RTN4: variants seen among roughly 807,000 people sequenced by gnomAD.
The protein encoded by RTN4 is reticulon 4, also known as reticulon-4.
Under a neutral mutation model 90.4 loss-of-function variants are expected in RTN4, and 32 were observed. The observed-to-expected ratio is 0.35, with a 90% CI of 0.27 to 0.48. The LOEUF (loss-of-function observed/expected upper bound fraction) is 0.48, where lower values mean the gene tolerates loss of function less well. Ranked by LOEUF, RTN4 falls within the 20% of genes least tolerant of loss-of-function variation. The pLI is 0.99. For synonymous variants in RTN4, 629 were observed against 552.5 expected, an observed-to-expected ratio of 1.14 and a Z score of -1.94; for missense variants, 1,706 against 1,430.2, an observed-to-expected ratio of 1.19 and a Z score of -3.11.
chr2:54,977,927 G>C (rs1677775389), intron 5 of RTN4, among the ~76,000 whole-genome samples: 1 of 152,078 alleles, frequency 6.6e-6, no homozygotes, highest in South Asian at 2.1e-4. Flanking sequence ...CTTGGACCAG[G>C]CACACGGATA....
chr2:55,007,415 T>C (rs1452670778), intron 3 of RTN4, among the ~76,000 whole-genome samples: 1 of 152,122 alleles, frequency 6.6e-6, no homozygotes, highest in Non-Finnish European at 1.5e-5. Context: ...AAATCCTTTT[T>C]ATTTCTTTTA....
At chr2:55,131,989 G>C in the RTN4 span, among the ~76,000 whole-genome samples, 1 of 152,200 alleles carries the variant, frequency 6.6e-6, no homozygotes, top group African/African-American at 2.4e-5. Context: ...GGTATACCAT[G>C]TTTTATCAGA....
chr2:55,021,551 G>A (rs1276948508), intron 3 of RTN4, among the ~76,000 whole-genome samples: 1 of 149,660 alleles, frequency 6.7e-6, no homozygotes, highest in East Asian at 2.0e-4. Context: ...TCGAACTCCT[G>A]GGCTCAAGCT....
At chr2:54,984,679 T>A (rs1052419228) in intron 4 of RTN4, among the ~76,000 whole-genome samples, 1 of 152,232 alleles carries the variant, frequency 6.6e-6, no homozygotes, top group Non-Finnish European at 1.5e-5. Context: ...TAACCACAGG[T>A]ATTAGATACA....
chr2:55,074,094 T>C (rs111663684), intron 2 of RTN4, among the ~76,000 whole-genome samples: 8,211 of 152,306 alleles, frequency 0.054, 693 homozygotes, highest in African/African-American at 0.18. Context: ...TCAGGTGTTC[T>C]GTCTCAGACA....
At position 55,050,151 on chromosome 2, in the gene RTN4, C is replaced by T. The variant is rs1668023044; in HGVS notation, c.150G>A (p.Glu50=). The change falls in exon 1 of 9, where the codon GAG becomes GAA. Residue 50 remains glutamate, a synonymous_variant. Coordinates refer to ENST00000337526, the MANE Select transcript of RTN4 (RefSeq NM_020532.5). This position sits in a 1 kb window ranked among gnomAD's most constrained non-coding sequence, Gnocchi z 4.6. ...EEEEDEDEDL[E]ELEVLERKPA... ...GCTTCCTCTCCAGCACCTCCAGCTC[C>T]TCCAGGTCTTCGTCCTCGTCCTCCT... 1 of 1,559,938 alleles carries T rather than the reference C, an allele frequency of 6.4e-7. No individual in the cohort carries two copies. The highest frequency in any genetic ancestry group is 8.6e-7 in the Non-Finnish European group (1 of 1,160,860).
intron 1 of RTN4, among the ~76,000 whole-genome samples, chr2:55,036,166 T>C (rs188650441): frequency 3.8e-4 from 58 of 152,292 alleles, no homozygotes; most frequent in African/African-American, 1.2e-3. Context: ...AAAATTAATT[T>C]ATATAACAAT....
At chr2:55,100,712 A>G (rs1383489839) in intron 1 of RTN4, among the ~76,000 whole-genome samples, 1 of 152,192 alleles carries the variant, frequency 6.6e-6, no homozygotes, top group Non-Finnish European at 1.5e-5. Flanking sequence ...ATATACTTGC[A>G]TTACTGACAT....
chr2:55,011,752 G>A (rs1013885884), intron 3 of RTN4, among the ~76,000 whole-genome samples: 2 of 151,998 alleles, frequency 1.3e-5, no homozygotes, highest in East Asian at 3.8e-4. Flanking sequence ...GAAAATGAGA[G>A]GGGAAAAAGG....
intron 1 of RTN4, among the ~76,000 whole-genome samples, chr2:55,094,987 CGT>C (rs2105048886): frequency 6.6e-6 from 1 of 152,222 alleles, no homozygotes; most frequent in Admixed American, 6.5e-5. Context: ...TTGTATTTCC[CGT>C]ATTATCGCCA....
At chr2:55,000,265 A>G (rs1182435210) in intron 3 of RTN4, among the ~76,000 whole-genome samples, 2 of 152,172 alleles carry the variant, frequency 1.3e-5, no homozygotes, top group South Asian at 2.1e-4. Flanking sequence ...TACTGCTACA[A>G]AAGTATCTCA....
At chr2:55,013,623 G>A (rs1381979678) in intron 3 of RTN4, among the ~76,000 whole-genome samples, 2 of 79,828 alleles carry the variant, frequency 2.5e-5, no homozygotes, top group African/African-American at 1.1e-4. Context: ...GGGGGGGAGG[G>A]TGTAGGGGGG....
intron 3 of RTN4, among the ~76,000 whole-genome samples, chr2:54,997,613 A>G (rs1679533059): frequency 6.6e-6 from 1 of 152,360 alleles, no homozygotes. Flanking sequence ...ATGTCTATCA[A>G]GTGATGAATG....
At chr2:55,089,078 G>A (rs553232933) in intron 1 of RTN4, among the ~76,000 whole-genome samples, 140 of 152,080 alleles carry the variant, frequency 9.2e-4, no homozygotes, top group African/African-American at 3.2e-3. Flanking sequence ...GACTACAGGC[G>A]CTCACAGTTA....
chr2:55,074,343 A>G (rs1427428711), intron 2 of RTN4, among the ~76,000 whole-genome samples: 1 of 151,962 alleles, frequency 6.6e-6, no homozygotes, highest in Non-Finnish European at 1.5e-5. Context: ...TCTCTACAAA[A>G]AATGTTAAAA....
chr2:55,028,414 G>A (rs984582523), intron 1 of RTN4, among the ~76,000 whole-genome samples, 194 bp from the exon 2 acceptor site: 2 of 152,122 alleles, frequency 1.3e-5, no homozygotes, highest in Non-Finnish European at 2.9e-5. Context: ...GTATTATAAA[G>A]CTAATTAAAT....
At chr2:55,079,906 A>C (rs1434277046) in intron 2 of RTN4, among the ~76,000 whole-genome samples, 1 of 152,236 alleles carries the variant, frequency 6.6e-6, no homozygotes, top group Non-Finnish European at 1.5e-5. Flanking sequence ...CTAGCCAGGC[A>C]GTCTAGTGCA....
At chr2:54,994,429 G>T (rs1679259929) in intron 3 of RTN4, among the ~76,000 whole-genome samples, 1 of 152,030 alleles carries the variant, frequency 6.6e-6, no homozygotes, top group African/African-American at 2.4e-5. Context: ...TTAAACATAC[G>T]AAAATCAATC....
intron 4 of RTN4, among the ~76,000 whole-genome samples, chr2:54,984,104 CT>C (rs1376363939): frequency 2.0e-5 from 3 of 152,188 alleles, no homozygotes; most frequent in South Asian, 4.1e-4. Flanking sequence ...CTGGTGATAC[CT>C]TATTTAGCCA....
Sources: allele counts gnomAD v4.1 joint callset (sites outside exome capture counted in the v4.1 genomes callset), GRCh38; gene constraint gnomAD v4.1.1; non-coding constraint Gnocchi (gnomAD v3.1); transcripts MANE v1.5; gene names NCBI Gene and HGNC (gene_info 2026-07-23, HGNC 2026-07-21).